LRRC4B: variants seen among roughly 807,000 people sequenced by gnomAD.
LRRC4B encodes leucine-rich repeat-containing protein 4B.
A neutral mutation model predicts 7.3 loss-of-function variants in LRRC4B; 1 was observed. That is an observed-to-expected ratio of 0.14 (90% CI 0.05 to 0.65). The LOEUF is 0.65. Among genes scored for constraint, LRRC4B ranks in the 30% least tolerant of loss-of-function variants. The pLI is 0.84. For missense variants in LRRC4B, 730 were observed against 1,041.6 expected, an observed-to-expected ratio of 0.70 and a Z score of 4.12; for synonymous variants, 500 against 499.2, an observed-to-expected ratio of 1.00 and a Z score of -0.02.
chr19:50,558,389 C>T (rs1354677571), intron 1 of LRRC4B, among the ~76,000 whole-genome samples: 2 of 152,138 alleles, frequency 1.3e-5, no homozygotes, highest in Admixed American at 6.6e-5. Flanking sequence ...CCACTACACC[C>T]GGCTAATTTT....
intron 2 of LRRC4B, among the ~76,000 whole-genome samples, chr19:50,527,962 C>T (rs1407845982): frequency 1.3e-5 from 2 of 151,754 alleles, no homozygotes; most frequent in African/African-American, 4.8e-5. Flanking sequence ...AGGATGGTCT[C>T]GATCTCCTGA....
rs1205095858 is a variant in LRRC4B at position 50,548,476 on chromosome 19, G to C, written c.297+66C>G. 8 of 1,535,342 alleles carry C rather than the reference G, an allele frequency of 5.2e-6. No homozygotes were observed. The highest frequency in any genetic ancestry group is 7.0e-6 in the Non-Finnish European group (8 of 1,146,026). ...GGTGTGGGGAGGCCCAGAAGGGATG[G>C]GCTACATCTGCATGCCTCCCCAGTG... On this transcript the variant is annotated intron_variant, in intron 2 of 2. Transcript: ENST00000652263. The surrounding 1 kb of genome is among the most constrained non-coding windows in gnomAD (Gnocchi z 6.8).
rs543239578 is a variant in LRRC4B at position 50,543,164 on chromosome 19, G to A, written c.297+5378C>T. On this transcript the variant is annotated intron_variant, in intron 2 of 2. Coordinates refer to ENST00000652263, the MANE Select transcript of LRRC4B (RefSeq NM_001080457.2). The stretch of plus-strand genomic sequence containing the variant: ...ACTGCTGGGCACCTCCTGTGTGCCA[G>A]GCTCGGCCCTAGGTGCTGGGGATCC... Among the ~76,000 whole-genome samples the A allele has an allele frequency of 2.0e-5, 3 of 152,314 alleles. No homozygotes were observed. The South Asian group carries it at 6.2e-4, about 32-fold the overall frequency.
chr19:50,527,961 T>C (rs1336831019), intron 2 of LRRC4B, among the ~76,000 whole-genome samples: 2 of 151,942 alleles, frequency 1.3e-5, no homozygotes, highest in Non-Finnish European at 2.9e-5. Context: ...CAGGATGGTC[T>C]CGATCTCCTG....
At chr19:50,522,459 ATTATTTATTTATTTATTTAT>A (rs71332009) in intron 2 of LRRC4B, among the ~76,000 whole-genome samples, 5 of 147,094 alleles carry the variant, frequency 3.4e-5, no homozygotes, top group East Asian at 2.0e-4. Context: ...TATTTTATTT[ATTATTTATTTATTTATTTAT>A]TTATTTATTT....
rs528392271 is a variant in LRRC4B at position 50,554,897 on chromosome 19, C to G, written c.-35-6024G>C. ...AGAGTCCAGGGGCCCCAAAGACCCC[C>G]AAGTGTGGCCTGACAGCAGCAACAA... On this transcript the variant is annotated intron_variant, in intron 1 of 2. Coordinates refer to ENST00000652263, the MANE Select transcript of LRRC4B (RefSeq NM_001080457.2). Among the ~76,000 whole-genome samples the G allele has an allele frequency of 6.6e-5, 10 of 152,336 alleles. No individual in the cohort carries two copies. In the South Asian group the frequency reaches 2.1e-3, roughly 32 times the overall value.
intron 2 of LRRC4B, among the ~76,000 whole-genome samples, chr19:50,542,810 A>G (rs1271523751): frequency 2.0e-5 from 3 of 152,062 alleles, no homozygotes; most frequent in Non-Finnish European, 2.9e-5. Flanking sequence ...CTGTCTTACT[A>G]TGGGGACCAC....
At chr19:50,546,706 C>G (rs1039571786) in intron 2 of LRRC4B, among the ~76,000 whole-genome samples, 6 of 152,128 alleles carry the variant, frequency 3.9e-5, no homozygotes, top group African/African-American at 1.4e-4. Context: ...GCGCTCAGCA[C>G]GTTTGTGGGA....
At position 50,518,039 on chromosome 19, in the gene LRRC4B, C is replaced by T. The variant is rs776072085; in HGVS notation, c.1674G>A (p.Thr558=). ...CCTTGAGGGCGTTCTCCGTCACATC[C>T]GTGATGGGCACCGTGAACGCCTTCT... ...PTEKAFTVPI[T]DVTENALKDL... is the part of the protein sequence containing the mutation. Residue 558 remains threonine, a synonymous_variant, in exon 3 of 3, where the codon ACG becomes ACA. Transcript: ENST00000652263. 2.6e-6 allele frequency: 4 copies of T among 1,567,746 alleles called. No homozygotes were observed.
chr19:50,562,983 AC>A (rs1982520331), intron 1 of LRRC4B, among the ~76,000 whole-genome samples: 1 of 151,334 alleles, frequency 6.6e-6, no homozygotes. Context: ...CAGGTGATCC[AC>A]CCGCCTCAGC....
intron 2 of LRRC4B, among the ~76,000 whole-genome samples, chr19:50,532,668 C>T (rs559423121): frequency 6.4e-4 from 97 of 152,316 alleles, no homozygotes; most frequent in African/African-American, 2.1e-3. Context: ...AGATCCCTAT[C>T]GCAGTGACTA....
chr19:50,520,005 G>A (rs1032860172), intron 2 of LRRC4B, among the ~76,000 whole-genome samples: 12 of 151,126 alleles, frequency 7.9e-5, no homozygotes, highest in Non-Finnish European at 1.8e-4. Context: ...GATCAGACTG[G>A]GCATCAGAAC....
intron 2 of LRRC4B, among the ~76,000 whole-genome samples, chr19:50,544,658 A>T (rs953516804): frequency 1.3e-5 from 2 of 152,220 alleles, no homozygotes; most frequent in African/African-American, 4.8e-5. Flanking sequence ...AGAGCTACCC[A>T]TGGCTGTGGG....
Position 50,519,540 on chromosome 19 carries a change from AC to A in LRRC4B, c.298-126del. 1 of 1,429,282 alleles carries A rather than the reference AC, an allele frequency of 7.0e-7. No homozygotes were observed. Among genetic ancestry groups the A allele is most frequent in the Non-Finnish European group, 9.1e-7 (1 of 1,093,792 alleles). 88.5% of individuals were successfully genotyped at this position (1,429,282 alleles called of 1,614,324 possible). ...TCCCGTGCTGTGCTGTGACGGTACG[AC>A]CTATATTGCAACATGGTTTGATGAG... is the stretch of plus-strand genomic sequence containing the variant. On this transcript the variant is annotated intron_variant, in intron 2 of 2. Coordinates refer to ENST00000652263, the MANE Select transcript of LRRC4B (RefSeq NM_001080457.2). The surrounding 1 kb of genome is among the most constrained non-coding windows in gnomAD (Gnocchi z 8.1).
chr19:50,560,170 C>T (rs1270082821), intron 1 of LRRC4B, among the ~76,000 whole-genome samples: 1 of 152,114 alleles, frequency 6.6e-6, no homozygotes, highest in Non-Finnish European at 1.5e-5. Flanking sequence ...ACTGCAGATT[C>T]TGCATCGCCA....
chr19:50,550,787 T>C (rs1336477980), intron 1 of LRRC4B: 1 of 152,410 alleles, frequency 6.6e-6, no homozygotes, highest in Non-Finnish European at 1.5e-5. Flanking sequence ...TGTGTCTGTG[T>C]CTGACTATGT....
intron 2 of LRRC4B, among the ~76,000 whole-genome samples, chr19:50,530,198 A>C: frequency 6.6e-6 from 1 of 151,310 alleles, no homozygotes; most frequent in Non-Finnish European, 1.5e-5. Flanking sequence ...CCTCCAGTCC[A>C]TCTCTGGGGT....
chr19:50,530,252 G>A (rs1301785628), intron 2 of LRRC4B, among the ~76,000 whole-genome samples: 1 of 152,048 alleles, frequency 6.6e-6, no homozygotes, highest in Non-Finnish European at 1.5e-5. Context: ...TCCTCTAGAC[G>A]CCTCCGGGGC....
chr19:50,559,009 C>T (rs1473897116), intron 1 of LRRC4B, among the ~76,000 whole-genome samples: 1 of 152,228 alleles, frequency 6.6e-6, no homozygotes. Context: ...CCGCAAGGGG[C>T]CCATGGCGAG....
Sources: gnomAD v4.1 joint callset for allele counts (sites outside exome capture counted in the v4.1 genomes callset) on GRCh38, gnomAD v4.1.1 for gene constraint, Gnocchi (gnomAD v3.1) non-coding constraint, MANE v1.5 for transcripts, NCBI Gene and HGNC (gene_info 2026-07-23, HGNC 2026-07-21) for gene names.